MYO5A: variants seen among roughly 807,000 people sequenced by gnomAD.
The protein encoded by MYO5A is myosin VA, also known as unconventional myosin-Va.
Under a neutral mutation model 249.7 loss-of-function variants are expected in MYO5A, and 98 were observed. That is an observed-to-expected ratio of 0.39 (90% confidence interval 0.33 to 0.46). MYO5A has a LOEUF of 0.46. MYO5A is among the 20% of genes least tolerant of loss of function. The pLI is 0.98. For synonymous variants in MYO5A, 778 were observed against 810.6 expected (o/e 0.96, Z 0.68); for missense variants, 1,696 against 2,308.8 (o/e 0.73, Z 5.44).
intron 21 of MYO5A, 72 bp from the exon 22 acceptor site, chr15:52,370,489 T>C: frequency 6.8e-7 from 1 of 1,470,744 alleles, no homozygotes; most frequent in East Asian, 2.3e-5. Context: ...GAAAACCATG[T>C]TTATTCATCA....
At position 52,360,030 on chromosome 15, in the gene MYO5A, CGTT is replaced by C. The variant is rs1237705083; in HGVS notation, c.3358_3360del (p.Asn1120del). ...TCAGAGCTAAAGATATATTCAGACT[CGTT>C]GCTGCTGTGGGTGGAGTCTGTTCTC... On this transcript the variant is annotated inframe_deletion, in exon 25 of 42. Transcript: ENST00000399233. The C allele has an allele frequency of 4.3e-6, 7 of 1,613,692 alleles. No individual in the cohort carries two copies. The highest frequency in any genetic ancestry group is 4.5e-5 in the East Asian group (2 of 44,880).
chr15:52,460,751 G>C (rs1000082979), intron 1 of MYO5A, among the ~76,000 whole-genome samples: 4 of 151,980 alleles, frequency 2.6e-5, no homozygotes, highest in Non-Finnish European at 4.4e-5. Context: ...TAATGACATA[G>C]TTTCTCCCCC....
At chr15:52,477,514 G>T (rs1443173725) in intron 1 of MYO5A, among the ~76,000 whole-genome samples, 2 of 152,154 alleles carry the variant, frequency 1.3e-5, no homozygotes, top group African/African-American at 4.8e-5. Flanking sequence ...CAGCTTTTCT[G>T]CTCTGATTTC....
chr15:52,443,050 C>CAAA (rs2075817386), intron 1 of MYO5A, among the ~76,000 whole-genome samples: 1 of 152,156 alleles, frequency 6.6e-6, no homozygotes, highest in South Asian at 2.1e-4. Context: ...CGTGCCTGGC[C>CAAA]AAAACAGTAG....
chr15:52,503,096 A>G (rs547983280), intron 1 of MYO5A, among the ~76,000 whole-genome samples: 4 of 152,326 alleles, frequency 2.6e-5, no homozygotes, highest in African/African-American at 9.6e-5. Flanking sequence ...GTTTGATAGA[A>G]GAAATAAGAT....
chr15:52,403,674 A>G (rs1052197511), intron 9 of MYO5A, among the ~76,000 whole-genome samples: 1 of 152,250 alleles, frequency 6.6e-6, no homozygotes, highest in East Asian at 1.9e-4. Flanking sequence ...TTAATGGTAC[A>G]CTTTAAATGA....
At chr15:52,355,424 T>G (rs1387780492) in intron 25 of MYO5A, among the ~76,000 whole-genome samples, 2 of 152,218 alleles carry the variant, frequency 1.3e-5, no homozygotes, top group Admixed American at 1.3e-4. Context: ...TAGCCCTCAC[T>G]ACTTTAACAA....
Position 52,348,811 on chromosome 15 carries a change from TA to T in MYO5A, c.3858+6del. ...TATTTACTAAAAAAAAAAAAAGGTA[TA>T]ATTACCTTGTCATCCTGAGAATCAC... On this transcript the variant is annotated splice_donor_region_variant and intron_variant, in intron 29 of 41. Transcript: ENST00000399233. 6.5e-7 allele frequency: 1 copy of T among 1,533,882 alleles called. No individual in the cohort carries two copies. The highest frequency in any genetic ancestry group is 8.8e-7 in the Non-Finnish European group (1 of 1,136,570).
intron 35 of MYO5A, among the ~76,000 whole-genome samples, chr15:52,329,653 G>C (rs1017964397): frequency 4.6e-5 from 7 of 152,144 alleles, no homozygotes; most frequent in African/African-American, 1.7e-4. Flanking sequence ...ACCTTTCTAG[G>C]GGAGTAAGGA....
intron 1 of MYO5A, among the ~76,000 whole-genome samples, chr15:52,478,816 A>G (rs1219136263): frequency 6.6e-6 from 1 of 152,092 alleles, no homozygotes; most frequent in East Asian, 1.9e-4. Context: ...AATACTCACA[A>G]CCTTTTTAGC....
chr15:52,429,645 C>CAT (rs2075479570), intron 2 of MYO5A, among the ~76,000 whole-genome samples: 1 of 151,754 alleles, frequency 6.6e-6, no homozygotes, highest in African/African-American at 2.4e-5. Flanking sequence ...GCCAAGATCA[C>CAT]GCTACTGAAC....
rs541269255 is a variant in MYO5A, at chr15:52,394,793, G to C, written c.1401+1523C>G. On this transcript the variant is annotated intron_variant, in intron 11 of 41. Transcript: ENST00000399233. ...ACAATGGGAAAGAGTGAAAGGCTGT[G>C]GCATTAACTAAAGTATTAAGAAACT... is the stretch of plus-strand genomic sequence containing the variant. 3.9e-5 allele frequency among the ~76,000 whole-genome samples: 6 copies of C among 152,274 alleles called. No homozygotes were observed. The East Asian group carries it at 1.2e-3, about 29-fold the overall frequency.
chr15:52,399,904 T>G (rs1406711271), intron 9 of MYO5A, among the ~76,000 whole-genome samples: 1 of 152,170 alleles, frequency 6.6e-6, no homozygotes, highest in South Asian at 2.1e-4. Context: ...TGAGAATATG[T>G]TGTATTTGGT....
chr15:52,391,404 A>G (rs2042230364), intron 12 of MYO5A, among the ~76,000 whole-genome samples: 1 of 152,216 alleles, frequency 6.6e-6, no homozygotes, highest in Non-Finnish European at 1.5e-5. Flanking sequence ...CATATAAACT[A>G]AAGAGAAATA....
At chr15:52,504,124 T>G (rs2077215970) in intron 1 of MYO5A, among the ~76,000 whole-genome samples, 1 of 150,960 alleles carries the variant, frequency 6.6e-6, no homozygotes, top group Non-Finnish European at 1.5e-5. Context: ...ATTCAAGAAT[T>G]TGCAGATACC....
chr15:52,332,145 A>G (rs1272329823), intron 34 of MYO5A, among the ~76,000 whole-genome samples: 2 of 152,248 alleles, frequency 1.3e-5, no homozygotes, highest in Admixed American at 6.5e-5. Flanking sequence ...TTTAAGCCGC[A>G]TGTACAATTC....
At chr15:52,336,599 G>T (rs765611670) in intron 33 of MYO5A, 43 bp from the exon 34 acceptor site, 14 of 1,412,228 alleles carry the variant, frequency 9.9e-6, no homozygotes, top group Non-Finnish European at 1.4e-5. Flanking sequence ...ATCGAAACAG[G>T]CCTTCTAAAA....
intron 4 of MYO5A, among the ~76,000 whole-genome samples, chr15:52,421,641 GCTT>G (rs1161829087): frequency 6.6e-6 from 1 of 152,122 alleles, no homozygotes; most frequent in Non-Finnish European, 1.5e-5. Context: ...TCTACACAAT[GCTT>G]CTTCTGCTTT....
chr15:52,405,176 T>G, intron 9 of MYO5A, 111 bp downstream of exon 9: 1 of 809,476 alleles, frequency 1.2e-6, no homozygotes, highest in South Asian at 1.5e-5. Flanking sequence ...TTGATAATTA[T>G]GTTTCTGATA....
Sources: gnomAD v4.1 joint callset for allele counts (sites outside exome capture counted in the v4.1 genomes callset) on GRCh38, gnomAD v4.1.1 for gene constraint, MANE v1.5 for transcripts, NCBI Gene and HGNC (gene_info 2026-07-23, HGNC 2026-07-21) for gene names.